The following NXN variants were observed in gnomAD, a reference collection of about 807,000 sequenced individuals.
NXN encodes nucleoredoxin, also known as nucleoredoxin 1.
A neutral mutation model predicts 48.6 loss-of-function variants in NXN; 16 were observed. The ratio of observed to expected loss-of-function variants is 0.33; its 90% CI spans 0.22 to 0.50. NXN has a LOEUF of 0.50. Among genes scored for constraint, NXN ranks in the 20% least tolerant of loss-of-function variants. The pLI, the probability that NXN is intolerant of heterozygous loss-of-function variation, is 0.98. For synonymous variants in NXN, 281 were observed against 269.6 expected (o/e 1.04, Z -0.41); for missense variants, 492 against 605.5 (o/e 0.81, Z 1.97).
At chr17:829,162 C>G (rs1041310160) in intron 1 of NXN, among the ~76,000 whole-genome samples, 13 of 122,976 alleles carry the variant, frequency 1.1e-4, no homozygotes, top group Non-Finnish European at 1.0e-4. Flanking sequence ...TTTAGGGGGG[C>G]GGGGTGGTGG....
chr17:901,141 G>A (rs773966845), intron 1 of NXN, among the ~76,000 whole-genome samples: 4 of 151,898 alleles, frequency 2.6e-5, no homozygotes, highest in Non-Finnish European at 4.4e-5. Flanking sequence ...GGATGGTCTC[G>A]ATCTCCTGAC....
intron 5 of NXN, chr17:819,170 C>T: frequency 2.2e-6 from 1 of 448,792 alleles, no homozygotes; most frequent in Non-Finnish European, 4.1e-6. Context: ...TGGTCTCGAA[C>T]TCCTGAGCTC....
chr17:910,553 T>C (rs2068626651), intron 1 of NXN: 1 of 152,236 alleles, frequency 6.6e-6, no homozygotes, highest in African/African-American at 2.4e-5. Flanking sequence ...GAAGAATTTA[T>C]CATCCGTTCC....
intron 1 of NXN, among the ~76,000 whole-genome samples, chr17:885,351 C>T (rs2068332333): frequency 1.3e-5 from 2 of 151,980 alleles, no homozygotes; most frequent in African/African-American, 4.8e-5. Flanking sequence ...GGTGCAGGCG[C>T]CCGTCATCCC....
intron 1 of NXN, among the ~76,000 whole-genome samples, chr17:858,874 T>C (rs116838504): frequency 0.01 from 1,572 of 152,328 alleles, 29 homozygotes; most frequent in African/African-American, 0.036. Context: ...TCCCTCACTC[T>C]GTTAATTTGC....
chr17:957,414 A>ATT (rs1202909918), intron 1 of NXN, among the ~76,000 whole-genome samples: 1 of 152,120 alleles, frequency 6.6e-6, no homozygotes, highest in South Asian at 2.1e-4. Flanking sequence ...CGGGTGGATC[A>ATT]TGAGGTCAGG....
Position 956,645 on chromosome 17 carries a change from C to T in NXN, c.360+22674G>A, listed in dbSNP as rs1231496381. Among the ~76,000 whole-genome samples, 2 of 152,122 alleles carry T rather than the reference C, an allele frequency of 1.3e-5. No homozygotes were observed. Among genetic ancestry groups the T allele is most frequent in the Non-Finnish European group, 2.9e-5 (2 of 68,026 alleles). The stretch of plus-strand genomic sequence containing the variant: ...AGCCAGGATGGTCTCGATCTCCAGA[C>T]CTCAGGTGATCCGTCCACCTCAGCC... On this transcript the variant is annotated intron_variant, in intron 1 of 7. Transcript: ENST00000336868. The surrounding 1 kb of genome is among the most constrained non-coding windows in gnomAD (Gnocchi z 4.1).
rs920733617 is a variant in NXN at position 925,641 on chromosome 17, A to C, written c.360+53678T>G. Reference sequence around the variant, plus strand: ...TGACCTCAGGTGATCCGCCCGCCTCAGTCTCCCAAAGTGCTGGGATGACAG... The same window carrying C: ...TGACCTCAGGTGATCCGCCCGCCTCCGTCTCCCAAAGTGCTGGGATGACAG... On this transcript the variant is annotated intron_variant, in intron 1 of 7. Transcript: ENST00000336868. Among the ~76,000 whole-genome samples, 9 of 152,192 alleles carry C rather than the reference A, an allele frequency of 5.9e-5. No homozygotes were observed. The East Asian group carries it at 1.7e-3, about 29-fold the overall frequency.
chr17:860,856 A>T (rs796423934), intron 1 of NXN, among the ~76,000 whole-genome samples: 7 of 152,388 alleles, frequency 4.6e-5, no homozygotes, highest in African/African-American at 1.7e-4. Context: ...CAAAAAGGCA[A>T]ATAATTTAAG....
intron 1 of NXN, among the ~76,000 whole-genome samples, chr17:962,842 C>A (rs868650342): frequency 6.6e-6 from 1 of 152,146 alleles, no homozygotes; most frequent in Non-Finnish European, 1.5e-5. Context: ...CAGAGCCCAG[C>A]GGCGGGAGTT....
rs114930740 is a variant in NXN at position 975,934 on chromosome 17, T to C, written c.360+3385A>G. Among the ~76,000 whole-genome samples, 248 of 152,334 alleles carry C rather than the reference T, an allele frequency of 1.6e-3. 2 individuals carry two copies. Among genetic ancestry groups the C allele is most frequent in the African/African-American group, 5.6e-3 (231 of 41,580 alleles). ...ATGTGAAAATCATCTACCAACCTAC[T>C]TATTAAAACAAGTCTAACTGCCTTA... is the stretch of plus-strand genomic sequence containing the variant. On this transcript the variant is annotated intron_variant, in intron 1 of 7. Coordinates refer to ENST00000336868, the MANE Select transcript of NXN (RefSeq NM_022463.5).
At chr17:901,745 G>C (rs1363191665) in intron 1 of NXN, among the ~76,000 whole-genome samples, 1 of 152,128 alleles carries the variant, frequency 6.6e-6, no homozygotes, top group South Asian at 2.1e-4. Context: ...TGTCGCCCAA[G>C]CCGCAGTGCA....
chr17:839,710 G>A (rs1465555131), intron 1 of NXN, among the ~76,000 whole-genome samples: 2 of 150,434 alleles, frequency 1.3e-5, no homozygotes, highest in Non-Finnish European at 2.9e-5. Flanking sequence ...GTTGAGGCAG[G>A]AGGATCACCT....
chr17:838,173 CCAGGCTGGAGTG>C (rs112024125), intron 1 of NXN, among the ~76,000 whole-genome samples: 6,511 of 140,982 alleles, frequency 0.046, 244 homozygotes, highest in East Asian at 0.23. Context: ...GCTCTGTCGC[CCAGGCTGGAGTG>C]CAGTGGCTCG....
intron 1 of NXN, among the ~76,000 whole-genome samples, chr17:953,155 C>T (rs939705916): frequency 4.6e-5 from 7 of 150,880 alleles, no homozygotes; most frequent in Non-Finnish European, 5.9e-5. Flanking sequence ...GAAGTCCAAA[C>T]GGAAGACTAT....
chr17:896,962 C>T, intron 1 of NXN: 1 of 1,200,552 alleles, frequency 8.3e-7, no homozygotes. Flanking sequence ...AGGCCTGTTG[C>T]AGTGACGCCT....
rs1381735655 is a variant in NXN at position 830,434 on chromosome 17, CCAGAGA to C, written c.361-4362_361-4357del. Among the ~76,000 whole-genome samples the C allele has an allele frequency of 6.6e-6, 1 of 151,784 alleles. No homozygotes were observed. The highest frequency in any genetic ancestry group is 1.5e-5 in the Non-Finnish European group (1 of 67,998). On this transcript the variant is annotated intron_variant, in intron 1 of 7. Coordinates refer to ENST00000336868, the MANE Select transcript of NXN (RefSeq NM_022463.5). The surrounding 1 kb of genome is among the most constrained non-coding windows in gnomAD (Gnocchi z 4.2). The stretch of plus-strand genomic sequence containing the variant: ...GGAAGCTGGGATGGCAGCGTGGATT[CCAGAGA>C]CAGGCGTCCGGGAGGAATGACATTT...
At chr17:818,441 C>A (rs1912610287) in intron 5 of NXN, among the ~76,000 whole-genome samples, 1 of 152,006 alleles carries the variant, frequency 6.6e-6, no homozygotes, top group South Asian at 2.1e-4. Flanking sequence ...CAAAGCTTTA[C>A]CACCCCACTT....
Position 836,963 on chromosome 17 carries a change from C to CTGTTATTATTATTAT in NXN, c.361-10886_361-10885insATAATAATAATAACA, listed in dbSNP as rs1555612218. ...TGAGCCACCACACCTAGCTTAGTTG[C>CTGTTATTATTATTAT]TATTATTATTATTATTATTATTATT... On this transcript the variant is annotated intron_variant, in intron 1 of 7. Coordinates refer to ENST00000336868, the MANE Select transcript of NXN (RefSeq NM_022463.5). 1.9e-4 allele frequency among the ~76,000 whole-genome samples: 28 copies of CTGTTATTATTATTAT among 144,920 alleles called. No homozygotes were observed. In the East Asian group the frequency reaches 5.7e-3, roughly 30 times the overall value.
Sources: allele counts gnomAD v4.1 joint callset (sites outside exome capture counted in the v4.1 genomes callset), GRCh38; gene constraint gnomAD v4.1.1; non-coding constraint Gnocchi (gnomAD v3.1); transcripts MANE v1.5; gene names NCBI Gene and HGNC (gene_info 2026-07-23, HGNC 2026-07-21).